Variants in TXNDC9 observed in about 807,000 individuals in gnomAD.
TXNDC9 encodes thioredoxin domain-containing protein 9.
TXNDC9 carries 7 observed loss-of-function variants against 23.0 expected under a neutral mutation model. The ratio of observed to expected loss-of-function variants is 0.30; its 90% confidence interval spans 0.17 to 0.57. The LOEUF (loss-of-function observed/expected upper bound fraction) is 0.57. Ranked by LOEUF, TXNDC9 falls within the 20% of genes least tolerant of loss-of-function variation. The pLI is 0.90. For synonymous variants in TXNDC9, 72 were observed against 90.6 expected, an observed-to-expected ratio of 0.79 and a Z score of 1.17; for missense variants, 198 against 252.6, an observed-to-expected ratio of 0.78 and a Z score of 1.47.
At chr2:99,306,663 T>G in the TXNDC9 span, 1 of 381,126 alleles carries the variant, frequency 2.6e-6, no homozygotes, top group Non-Finnish European at 5.5e-6. Flanking sequence ...GTCCTGGGTG[T>G]CTGTAAAATA....
the TXNDC9 span, chr2:99,306,827 A>G: frequency 2.2e-6 from 1 of 454,064 alleles, no homozygotes; most frequent in Non-Finnish European, 4.4e-6. Flanking sequence ...AGTCTTGGCC[A>G]TTCATTTAAA....
intron 2 of TXNDC9, 64 bp from the exon 3 acceptor site, chr2:99,327,717 T>G: frequency 1.0e-6 from 1 of 997,686 alleles, no homozygotes; most frequent in Non-Finnish European, 1.5e-6. Context: ...ACTTGACATT[T>G]TAAGTGTCCA....
intron 2 of TXNDC9, 93 bp from the exon 3 acceptor site, chr2:99,327,746 T>A (rs2094215834): frequency 1.4e-6 from 1 of 736,474 alleles, no homozygotes; most frequent in African/African-American, 1.8e-5. Context: ...TCGTATTTTG[T>A]AATGAAGTCA....
At chr2:99,320,618 G>A (rs1048855214) in intron 4 of TXNDC9, among the ~76,000 whole-genome samples, 1 of 151,976 alleles carries the variant, frequency 6.6e-6, no homozygotes, top group African/African-American at 2.4e-5. Context: ...ACAATTATTG[G>A]GACAATGAGA....
chr2:99,327,785 G>GT (rs2094216121), intron 2 of TXNDC9, 132 bp from the exon 3 acceptor site: 8 of 534,812 alleles, frequency 1.5e-5, no homozygotes, highest in East Asian at 1.1e-4. Context: ...TTTTTTGTTT[G>GT]TTTTTGTTTT....
At chr2:99,334,626 A>T (rs1235938148) in intron 1 of TXNDC9, among the ~76,000 whole-genome samples, 1 of 152,256 alleles carries the variant, frequency 6.6e-6, no homozygotes, top group African/African-American at 2.4e-5. Context: ...ACAGTATTAC[A>T]ATCTCATAAA....
chr2:99,329,054 C>T (rs1487859553), intron 2 of TXNDC9, among the ~76,000 whole-genome samples: 1 of 152,138 alleles, frequency 6.6e-6, no homozygotes, highest in Non-Finnish European at 1.5e-5. Flanking sequence ...GAGGATACTG[C>T]AGCTCTGAAG....
intron 2 of TXNDC9, among the ~76,000 whole-genome samples, chr2:99,331,508 TC>T (rs1447721316): frequency 7.2e-5 from 8 of 111,708 alleles, no homozygotes; most frequent in Admixed American, 5.3e-4. Context: ...AGACTCCCTC[TC>T]AAAAAAAAAA....
At chr2:99,309,974 T>G in the TXNDC9 span, among the ~76,000 whole-genome samples, 1 of 152,120 alleles carries the variant, frequency 6.6e-6, no homozygotes, top group Non-Finnish European at 1.5e-5. Flanking sequence ...CGTGAGCCAC[T>G]GCACCCAGCC....
At chr2:99,325,194 T>C (rs2094210457) in intron 3 of TXNDC9, among the ~76,000 whole-genome samples, 2 of 152,260 alleles carry the variant, frequency 1.3e-5, no homozygotes, top group South Asian at 2.1e-4. Flanking sequence ...CCATTTACCC[T>C]GATGTGATTA....
intron 1 of TXNDC9, among the ~76,000 whole-genome samples, chr2:99,334,176 C>T (rs1312743030): frequency 6.6e-6 from 1 of 152,166 alleles, no homozygotes; most frequent in Non-Finnish European, 1.5e-5. Context: ...CATGATGGAA[C>T]CCTGTCTCTA....
chr2:99,334,974 A>G lies in TXNDC9; in HGVS notation c.-33+1265T>C, dbSNP rs564038792. On this transcript the variant is annotated intron_variant, in intron 1 of 4. Transcript: ENST00000264255. Reference sequence around the variant, plus strand: ...CGTGATCCGCCCGCCTCGGCCTCCCAAAGTGCTGAGATTACAGGCGTGAGC... The same window carrying G: ...CGTGATCCGCCCGCCTCGGCCTCCCGAAGTGCTGAGATTACAGGCGTGAGC... Among the ~76,000 whole-genome samples, 512 of 152,350 alleles carry G rather than the reference A, an allele frequency of 3.4e-3. 5 individuals are homozygous for G. Among genetic ancestry groups the G allele is most frequent in the South Asian group, 0.011 (51 of 4,828 alleles).
chr2:99,316,213 T>C (rs774507332), downstream of TXNDC9, among the ~76,000 whole-genome samples: 57 of 152,086 alleles, frequency 3.7e-4, no homozygotes, highest in Non-Finnish European at 3.8e-4. Flanking sequence ...TCTTGTTCTG[T>C]TGCCCATGCT....
chr2:99,334,237 G>A lies in TXNDC9; in HGVS notation c.-32-995C>T, dbSNP rs569786105. ...CCGGTGGTGTGTGCCTGTAGTCCCC[G>A]CTACTAGGGAGGCTGAAGTGGGAGG... On this transcript the variant is annotated intron_variant, in intron 1 of 4. Coordinates refer to ENST00000264255, the MANE Select transcript of TXNDC9 (RefSeq NM_005783.4). 3.3e-5 allele frequency among the ~76,000 whole-genome samples: 5 copies of A among 152,130 alleles called. No homozygotes were observed. The South Asian group carries it at 1.0e-3, about 32-fold the overall frequency.
intron 2 of TXNDC9, chr2:99,332,704 A>C: frequency 4.1e-6 from 1 of 242,724 alleles, no homozygotes; most frequent in Non-Finnish European, 7.9e-6. Context: ...GAAAATAGCT[A>C]AATCGGCTTT....
intron 2 of TXNDC9, among the ~76,000 whole-genome samples, chr2:99,332,152 A>G (rs1294132311): frequency 6.6e-6 from 1 of 152,214 alleles, no homozygotes; most frequent in Non-Finnish European, 1.5e-5. Context: ...TTTAATCAAA[A>G]TTCAATTTGG....
At chr2:99,314,434 T>C (rs1384593480), downstream of TXNDC9, among the ~76,000 whole-genome samples, 2 of 152,142 alleles carry the variant, frequency 1.3e-5, no homozygotes, top group Non-Finnish European at 2.9e-5. Flanking sequence ...CAACTATTTA[T>C]ATAGCATTTA....
the TXNDC9 span, among the ~76,000 whole-genome samples, chr2:99,311,104 T>TA: frequency 7.9e-5 from 12 of 152,152 alleles, no homozygotes; most frequent in East Asian, 3.9e-4. Flanking sequence ...TAGTTCACTG[T>TA]AACCTCAAAC....
intron 1 of TXNDC9, 90 bp from the exon 2 acceptor site, chr2:99,333,332 T>G: frequency 1.9e-6 from 2 of 1,027,636 alleles, no homozygotes; most frequent in Non-Finnish European, 2.8e-6. Flanking sequence ...GGCAAGTGTA[T>G]AATGTGTACT....
Sources: allele counts gnomAD v4.1 joint callset (sites outside exome capture counted in the v4.1 genomes callset), GRCh38; gene constraint gnomAD v4.1.1; transcripts MANE v1.5; gene names NCBI Gene and HGNC (gene_info 2026-07-23, HGNC 2026-07-21).